Variants in PRKG1 observed in about 807,000 individuals in gnomAD.
PRKG1 encodes the protein cGMP-dependent protein kinase 1.
PRKG1 carries 35 observed loss-of-function variants against 88.1 expected under a neutral mutation model. That is an observed-to-expected ratio of 0.40 (90% confidence interval 0.30 to 0.53). The LOEUF is 0.53. Among genes scored for constraint, PRKG1 ranks in the 20% least tolerant of loss-of-function variants. PRKG1 has a pLI of 0.59. For synonymous variants in PRKG1, 303 were observed against 292.5 expected, an observed-to-expected ratio of 1.04 and a Z score of -0.37; for missense variants, 540 against 839.8, an observed-to-expected ratio of 0.64 and a Z score of 4.41.
chr10:51,524,223 C>A (rs1841815963), intron 3 of PRKG1, among the ~76,000 whole-genome samples: 1 of 152,158 alleles, frequency 6.6e-6, no homozygotes, highest in South Asian at 2.1e-4. Context: ...AATTAAACAT[C>A]TTTTCTTTAT....
chr10:51,241,082 A>G (rs1037557122), intron 2 of PRKG1, among the ~76,000 whole-genome samples: 4 of 152,130 alleles, frequency 2.6e-5, no homozygotes, highest in Non-Finnish European at 5.9e-5. Context: ...ACCCTCATGA[A>G]GTAGGTCCTA....
intron 9 of PRKG1, among the ~76,000 whole-genome samples, chr10:52,174,859 A>G (rs1373074839): frequency 1.3e-5 from 2 of 152,016 alleles, no homozygotes; most frequent in East Asian, 1.9e-4. Context: ...ATATCAATGC[A>G]TCTTTATTTT....
intron 3 of PRKG1, among the ~76,000 whole-genome samples, chr10:51,566,310 T>A (rs1344950150): frequency 6.6e-6 from 1 of 152,044 alleles, no homozygotes; most frequent in Admixed American, 6.6e-5. Context: ...CCCACAAAGC[T>A]GCAAGTTAAA....
intron 3 of PRKG1, among the ~76,000 whole-genome samples, chr10:51,675,158 G>A (rs1162708210): frequency 6.6e-6 from 1 of 152,150 alleles, no homozygotes; most frequent in East Asian, 1.9e-4. Context: ...TGGTACATCA[G>A]TCTTACTATT....
chr10:51,468,209 T>C (rs532625928), intron 3 of PRKG1, among the ~76,000 whole-genome samples: 12 of 152,034 alleles, frequency 7.9e-5, no homozygotes, highest in Non-Finnish European at 1.3e-4. Context: ...GTTATATTCT[T>C]CACATAAATT....
intron 2 of PRKG1, among the ~76,000 whole-genome samples, chr10:51,294,365 C>CT (rs1840663062): frequency 6.6e-6 from 1 of 152,042 alleles, no homozygotes; most frequent in Non-Finnish European, 1.5e-5. Context: ...ATGCTTAAGT[C>CT]TTTAGTTCAT....
At position 51,441,610 on chromosome 10, in the gene PRKG1, CAGA is replaced by C. The variant is rs568833835; in HGVS notation, c.479-26110_479-26108del. On this transcript the variant is annotated intron_variant, in intron 2 of 17. Coordinates refer to ENST00000373980, the MANE Select transcript of PRKG1 (RefSeq NM_006258.4). ...CTAGGTGGAGTGGCTAGAATCCACA[CAGA>C]AGTTGAGAACGGAGACCTGAGTTTT... Among the ~76,000 whole-genome samples, 137 of 152,072 alleles carry C rather than the reference CAGA, an allele frequency of 9.0e-4. 2 individuals carry two copies. The South Asian group carries it at 0.028, about 31-fold the overall frequency.
chr10:51,564,972 T>C (rs1046592352), intron 3 of PRKG1, among the ~76,000 whole-genome samples: 2 of 151,988 alleles, frequency 1.3e-5, no homozygotes, highest in Non-Finnish European at 2.9e-5. Flanking sequence ...TTTGCTTTGT[T>C]GAATAGTTTC....
chr10:51,057,947 C>T (rs1054526860), intron 1 of PRKG1, among the ~76,000 whole-genome samples: 3 of 152,026 alleles, frequency 2.0e-5, no homozygotes, highest in South Asian at 2.1e-4. Flanking sequence ...CCTAAATTTT[C>T]CCAAGTGGCC....
intron 3 of PRKG1, among the ~76,000 whole-genome samples, chr10:51,734,392 AAT>A (rs1837210068): frequency 6.6e-6 from 1 of 152,186 alleles, no homozygotes. Context: ...CTGTGAATTA[AAT>A]ATGAGAGATA....
chr10:51,180,326 TA>T (rs769215073), intron 2 of PRKG1, among the ~76,000 whole-genome samples: 24 of 152,186 alleles, frequency 1.6e-4, no homozygotes, highest in Non-Finnish European at 2.4e-4. Flanking sequence ...GATTCTTTTT[TA>T]CTTCTAACCT....
chr10:51,442,749 T>G (rs548608618), intron 2 of PRKG1, among the ~76,000 whole-genome samples: 70 of 152,080 alleles, frequency 4.6e-4, no homozygotes, highest in Non-Finnish European at 8.4e-4. Flanking sequence ...TAAAAGCATT[T>G]ACTTTAATAG....
At chr10:51,350,437 A>C (rs1842215032) in intron 2 of PRKG1, among the ~76,000 whole-genome samples, 1 of 152,184 alleles carries the variant, frequency 6.6e-6, no homozygotes, top group African/African-American at 2.4e-5. Flanking sequence ...AACATACCTC[A>C]ACATAATAAA....
At chr10:51,991,935 T>C (rs369383287) in intron 5 of PRKG1, among the ~76,000 whole-genome samples, 66 of 152,316 alleles carry the variant, frequency 4.3e-4, no homozygotes, top group African/African-American at 1.5e-3. Flanking sequence ...AGAAACTGTA[T>C]GTGAGGAGTC....
chr10:51,828,627 T>G (rs1455760394), intron 4 of PRKG1, among the ~76,000 whole-genome samples: 1 of 152,198 alleles, frequency 6.6e-6, no homozygotes, highest in African/African-American at 2.4e-5. Context: ...TGATGTGTTC[T>G]TGCCAACAAT....
chr10:52,075,993 G>A (rs1044838339), intron 7 of PRKG1, among the ~76,000 whole-genome samples: 4 of 152,018 alleles, frequency 2.6e-5, no homozygotes, highest in African/African-American at 9.7e-5. Flanking sequence ...ATTTAAAGGG[G>A]ATAATTTATC....
chr10:52,157,129 AT>A (rs1436209498), intron 8 of PRKG1, among the ~76,000 whole-genome samples: 1 of 150,906 alleles, frequency 6.6e-6, no homozygotes, highest in Non-Finnish European at 1.5e-5. Context: ...TATTTTTAAA[AT>A]GTTTATACAA....
chr10:51,169,103 T>G (rs949457809), intron 2 of PRKG1, among the ~76,000 whole-genome samples: 1 of 152,194 alleles, frequency 6.6e-6, no homozygotes, highest in Admixed American at 6.5e-5. Flanking sequence ...CAACCAGCAT[T>G]TTGGAGAGAG....
chr10:51,510,359 T>TAATTTG (rs1841357535), intron 3 of PRKG1, among the ~76,000 whole-genome samples: 1 of 152,200 alleles, frequency 6.6e-6, no homozygotes, highest in Non-Finnish European at 1.5e-5. Flanking sequence ...AAATCTACTC[T>TAATTTG]CTTAGCAAAT....
Sources: gnomAD v4.1 joint callset for allele counts (sites outside exome capture counted in the v4.1 genomes callset) on GRCh38, gnomAD v4.1.1 for gene constraint, MANE v1.5 for transcripts, NCBI Gene and HGNC (gene_info 2026-07-23, HGNC 2026-07-21) for gene names.